PRRC2C: variants seen among roughly 807,000 people sequenced by gnomAD.
PRRC2C encodes the protein protein PRRC2C.
Under a neutral mutation model 317.2 loss-of-function variants are expected in PRRC2C, and 72 were observed. The observed-to-expected ratio is 0.23, with a 90% CI of 0.19 to 0.28. The LOEUF (loss-of-function observed/expected upper bound fraction) is 0.28, where lower values mean the gene tolerates loss of function less well. Among genes scored for constraint, PRRC2C ranks in the 10% least tolerant of loss-of-function variants. The pLI, the probability that PRRC2C is intolerant of heterozygous loss-of-function variation, is 1.00. For missense variants in PRRC2C, 3,074 were observed against 3,459.7 expected (o/e 0.89, Z 2.80); for synonymous variants, 1,296 against 1,205.9 (o/e 1.07, Z -1.55).
intron 1 of PRRC2C, among the ~76,000 whole-genome samples, chr1:171,495,281 A>G (rs12403390): frequency 0.13 from 19,190 of 152,234 alleles, 1,610 homozygotes; most frequent in South Asian, 0.36. Context: ...TGTATTCTGC[A>G]TTTATGAAAT....
chr1:171,496,312 C>T (rs976315916), intron 1 of PRRC2C, among the ~76,000 whole-genome samples: 1 of 142,100 alleles, frequency 7.0e-6, no homozygotes, highest in African/African-American at 2.7e-5. Context: ...AAGCGATTCT[C>T]TTGCCTCAGC....
At chr1:171,524,995 T>C in intron 10 of PRRC2C, 30 bp downstream of exon 10, 1 of 1,528,854 alleles carries the variant, frequency 6.5e-7, no homozygotes, top group South Asian at 1.2e-5. Context: ...ATCCTTGTTA[T>C]TGCAAGGATC....
intron 31 of PRRC2C, 83 bp downstream of exon 31, chr1:171,587,304 C>G: frequency 7.9e-7 from 1 of 1,271,116 alleles, no homozygotes; most frequent in Non-Finnish European, 1.1e-6. Flanking sequence ...ATCTAAAAAA[C>G]TAAAATGCGT....
Position 171,584,508 on chromosome 1 carries a change from A to G in PRRC2C, c.7731A>G (p.Ser2577=). 1.9e-6 allele frequency: 3 copies of G among 1,587,762 alleles called. No individual in the cohort carries two copies. The highest frequency in any genetic ancestry group is 2.6e-6 in the Non-Finnish European group (3 of 1,166,518). Reference sequence around the variant, plus strand: ...CAAATTTTTATAACACTGCCCAGTCACCAAGTGCTCTCCAGCAGGTAAACT... The same window carrying G: ...CAAATTTTTATAACACTGCCCAGTCGCCAAGTGCTCTCCAGCAGGTAAACT... ...GQTNFYNTAQ[S]PSALQQVTVP... Residue 2577 remains serine (S), a synonymous_variant, in exon 30 of 35, where the codon TCA becomes TCG. Transcript: ENST00000647382.
chr1:171,509,658 A>G (rs957864568), intron 1 of PRRC2C: 6 of 151,994 alleles, frequency 3.9e-5, no homozygotes, highest in African/African-American at 9.7e-5. Flanking sequence ...TCTGCTTATA[A>G]TAAGTCGGTA....
chr1:171,506,932 A>G (rs1364590024), intron 1 of PRRC2C, among the ~76,000 whole-genome samples: 3 of 152,160 alleles, frequency 2.0e-5, no homozygotes, highest in Admixed American at 2.0e-4. Flanking sequence ...TTCTTAGACA[A>G]GGTGACATAA....
In PRRC2C at chr1:171,522,222, C is replaced by G. The variant is rs1455055243; in HGVS notation, c.796C>G (p.Pro266Ala). The part of the protein sequence containing the change: ...PRMTYPPLHG[P>A]MRFPPSLSET... Reference sequence around the variant, plus strand: ...GATGACATATCCTCCTCTACATGGTCCCATGAGATTCCCACCTTCTTTATC... The same window carrying G: ...GATGACATATCCTCCTCTACATGGTGCCATGAGATTCCCACCTTCTTTATC... Residue 266 changes from proline (P) to alanine (A), a missense_variant, in exon 7 of 35, where the codon CCC (proline) becomes GCC (alanine). Around this residue, in one of 11 missense-constraint regions of PRRC2C, gnomAD observed 237 missense variants for 199.5 expected, o/e 1.19. Transcript: ENST00000647382. The G allele has an allele frequency of 6.3e-7, 1 of 1,599,464 alleles. No individual in the cohort carries two copies. The highest frequency in any genetic ancestry group is 8.6e-7 in the Non-Finnish European group (1 of 1,168,106).
intron 15 of PRRC2C, among the ~76,000 whole-genome samples, chr1:171,538,909 T>C (rs1677357559): frequency 6.6e-6 from 1 of 151,986 alleles, no homozygotes; most frequent in African/African-American, 2.4e-5. Flanking sequence ...CAGGGTTTTT[T>C]CATGTTGCCC....
intron 2 of PRRC2C, 48 bp downstream of exon 2, chr1:171,512,248 A>T (rs1425143493): frequency 1.5e-5 from 19 of 1,274,634 alleles, no homozygotes; most frequent in Non-Finnish European, 2.1e-5. Flanking sequence ...TTGTTTTGTT[A>T]CTATAAGTGA....
At chr1:171,579,222 T>C in intron 26 of PRRC2C, 132 bp from the exon 27 acceptor site, 1 of 1,291,796 alleles carries the variant, frequency 7.7e-7, no homozygotes, top group Non-Finnish European at 1.0e-6. Context: ...ACGTTTTTAG[T>C]TTTTCCATGG....
chr1:171,514,989 T>G (rs1184965895), intron 4 of PRRC2C, among the ~76,000 whole-genome samples: 3 of 152,190 alleles, frequency 2.0e-5, no homozygotes, highest in Admixed American at 2.0e-4. Context: ...TTCATCTATG[T>G]CCCCAACATC....
At chr1:171,566,992 T>C (rs1261674559) in intron 22 of PRRC2C, 149 bp downstream of exon 22, 11 of 955,876 alleles carry the variant, frequency 1.2e-5, no homozygotes, top group Non-Finnish European at 1.5e-6. Context: ...TTTCATGATT[T>C]GCATATGTAA....
chr1:171,541,313 T>G lies in PRRC2C; in HGVS notation c.3847T>G (p.Leu1283Val). 3.1e-6 allele frequency: 5 copies of G among 1,613,836 alleles called. No homozygotes were observed. The highest frequency in any genetic ancestry group is 4.2e-6 in the Non-Finnish European group (5 of 1,179,870). Reference protein sequence around the residue: ...IHESASDKDSLSKGKLPKREE... With the variant: ...IHESASDKDSVSKGKLPKREE... ...TGAAAGTGCAAGTGACAAGGACAGT[T>G]TAAGTAAAGGCAAACTTCCCAAAAG... Residue 1283 changes from leucine (L) to valine (V), a missense_variant, in exon 16 of 35, where the codon TTA (leucine) becomes GTA (valine). Physicochemically the swap from Leu to Val is conservative, Grantham distance 32 (BLOSUM62 1). This residue lies in a region of PRRC2C where 1,320 missense variants were observed against 1,395.7 expected (regional missense o/e 0.95). Coordinates refer to ENST00000647382, the MANE Select transcript of PRRC2C (RefSeq NM_001387844.1). The surrounding 1 kb of genome is among the most constrained non-coding windows in gnomAD (Gnocchi z 4.1).
At chr1:171,554,933 A>G (rs1018848335) in intron 18 of PRRC2C, among the ~76,000 whole-genome samples, 4 of 152,024 alleles carry the variant, frequency 2.6e-5, no homozygotes, top group African/African-American at 9.7e-5. Flanking sequence ...TCTGACAATT[A>G]TGTGTCTTGG....
chr1:171,589,668 C>A, intron 34 of PRRC2C, 63 bp downstream of exon 34: 1 of 1,151,406 alleles, frequency 8.7e-7, no homozygotes. Flanking sequence ...CTTAAAATGC[C>A]TCTGGACCCA....
At chr1:171,494,334 C>A (rs1557853920) in intron 1 of PRRC2C, among the ~76,000 whole-genome samples, 1 of 152,134 alleles carries the variant, frequency 6.6e-6, no homozygotes, top group Non-Finnish European at 1.5e-5. Context: ...AGAACTCCAG[C>A]AGATTTATTT....
At position 171,563,323 on chromosome 1, in the gene PRRC2C, A is replaced by G. The variant is rs1485133917; in HGVS notation, c.6117+2220A>G. Reference sequence around the variant, plus strand: ...TTTAAATCATCTCTAGATTAATTATATACCTAATACAATGTAAATGCTATG... The same window carrying G: ...TTTAAATCATCTCTAGATTAATTATGTACCTAATACAATGTAAATGCTATG... On this transcript the variant is annotated intron_variant, in intron 20 of 34. Transcript: ENST00000647382. Among the ~76,000 whole-genome samples the G allele has an allele frequency of 1.3e-5, 2 of 152,324 alleles. 1 individual carries two copies. The highest frequency in any genetic ancestry group is 3.9e-4 in the East Asian group (2 of 5,186).
Position 171,535,599 on chromosome 1 carries a change from T to C in PRRC2C, c.2043+2T>C. ...CCTCCACGATTCCAGCGGCAGCAGG[T>C]AATGATAAAAATATTTTATCATGTA... is the stretch of plus-strand genomic sequence containing the variant. On this transcript the variant is annotated splice_donor_variant, in intron 13 of 34. Coordinates refer to ENST00000647382, the MANE Select transcript of PRRC2C (RefSeq NM_001387844.1). LOFTEE classifies it high-confidence loss of function. 1 of 1,613,070 alleles carries C rather than the reference T, an allele frequency of 6.2e-7. No homozygotes were observed. The highest frequency in any genetic ancestry group is 1.1e-5 in the South Asian group (1 of 90,944).
chr1:171,587,837 C>G, intron 32 of PRRC2C, 86 bp downstream of exon 32: 1 of 775,856 alleles, frequency 1.3e-6, no homozygotes, highest in East Asian at 2.7e-5. Flanking sequence ...GACATAATCC[C>G]TTTTCCAAGC....
Sources: gnomAD v4.1 joint callset for allele counts (sites outside exome capture counted in the v4.1 genomes callset) on GRCh38, gnomAD v4.1.1 for gene constraint, gnomAD v4.1.1 regional missense constraint, Gnocchi (gnomAD v3.1) non-coding constraint, MANE v1.5 for transcripts, NCBI Gene and HGNC (gene_info 2026-07-23, HGNC 2026-07-21) for gene names.